Variants in REV3L observed in about 807,000 individuals in gnomAD.
REV3L encodes the protein REV3 like, DNA directed polymerase zeta catalytic subunit.
Under a neutral mutation model 299.4 loss-of-function variants are expected in REV3L, and 69 were observed. The observed-to-expected ratio is 0.23, with a 90% CI of 0.19 to 0.28. The LOEUF is 0.28. Ranked by LOEUF, REV3L falls within the 10% of genes least tolerant of loss-of-function variation. The probability of loss-of-function intolerance (pLI) is 1.00; values close to 1 mark genes in which losing one functional copy is unlikely to be tolerated. For missense variants in REV3L, 3,128 were observed against 3,693.8 expected, an observed-to-expected ratio of 0.85 and a Z score of 3.97; for synonymous variants, 1,238 against 1,271.4, an observed-to-expected ratio of 0.97 and a Z score of 0.56.
chr6:111,447,638 T>C (rs1342927328), intron 1 of REV3L, among the ~76,000 whole-genome samples: 2 of 152,162 alleles, frequency 1.3e-5, no homozygotes, highest in Non-Finnish European at 2.9e-5. Flanking sequence ...TTGGTGCAAC[T>C]ACCTCCTGCT....
intron 22 of REV3L, among the ~76,000 whole-genome samples, chr6:111,333,623 C>T (rs1018308606): frequency 5.3e-5 from 8 of 150,494 alleles, no homozygotes; most frequent in South Asian, 2.1e-4. Flanking sequence ...TACAGGCATG[C>T]GCCACCATGT....
intron 31 of REV3L, among the ~76,000 whole-genome samples, chr6:111,303,169 T>TTTTTTTC (rs1771792086): frequency 7.8e-5 from 1 of 12,834 alleles, no homozygotes; most frequent in Non-Finnish European, 2.2e-4. Flanking sequence ...TTCTTTCTTT[T>TTTTTTTC]TTTTTTTTTT....
intron 21 of REV3L, among the ~76,000 whole-genome samples, chr6:111,336,124 T>C (rs540246560): frequency 6.6e-6 from 1 of 151,930 alleles, no homozygotes; most frequent in African/African-American, 2.4e-5. Flanking sequence ...TTTAGTGAGA[T>C]AATACATGGG....
chr6:111,480,684 A>G (rs1425517564), intron 1 of REV3L, among the ~76,000 whole-genome samples: 1 of 152,010 alleles, frequency 6.6e-6, no homozygotes, highest in East Asian at 1.9e-4. Flanking sequence ...ATCCTTAACA[A>G]TTTAAAATTT....
intron 21 of REV3L, 85 bp from the exon 22 acceptor site, chr6:111,335,695 C>A: frequency 7.3e-7 from 1 of 1,376,376 alleles, no homozygotes. Flanking sequence ...CAAAAATCTA[C>A]ATGCTAAAAG....
intron 18 of REV3L, among the ~76,000 whole-genome samples, chr6:111,356,336 G>T (rs1161438714): frequency 2.0e-5 from 3 of 152,056 alleles, no homozygotes; most frequent in Non-Finnish European, 4.4e-5. Context: ...CTACACTGTT[G>T]AGAAAATGCA....
At chr6:111,423,501 GGA>G (rs1410391178) in intron 1 of REV3L, among the ~76,000 whole-genome samples, 1 of 151,920 alleles carries the variant, frequency 6.6e-6, no homozygotes, top group Non-Finnish European at 1.5e-5. Flanking sequence ...AGTATGAGAA[GGA>G]GAGAAAGAAA....
At chr6:111,303,024 TTTCA>T (rs1187507912) in intron 31 of REV3L, among the ~76,000 whole-genome samples, 14 of 152,344 alleles carry the variant, frequency 9.2e-5, no homozygotes, top group African/African-American at 3.4e-4. Flanking sequence ...TTTGCAGTGT[TTTCA>T]TTTTGTTTAA....
intron 11 of REV3L, 24 bp downstream of exon 11, chr6:111,379,957 AC>A (rs765443817): frequency 7.3e-7 from 1 of 1,368,000 alleles, no homozygotes; most frequent in Non-Finnish European, 1.0e-6. Context: ...AGTTAATAAA[AC>A]AACTGCAATA....
At chr6:111,349,398 G>T in intron 19 of REV3L, 62 bp from the exon 20 acceptor site, 1 of 752,396 alleles carries the variant, frequency 1.3e-6, no homozygotes, top group Non-Finnish European at 2.2e-6. Flanking sequence ...ATAAAATTAT[G>T]CCAGGGAAAA....
chr6:111,472,358 T>C (rs7772141), intron 1 of REV3L, among the ~76,000 whole-genome samples: 143,516 of 152,022 alleles, frequency 0.94, 67,779 homozygotes, highest in East Asian at 1. Context: ...GTTATACTTC[T>C]TTGTAATCGT....
chr6:111,381,561 T>C, intron 9 of REV3L, 117 bp from the exon 10 acceptor site: 1 of 760,538 alleles, frequency 1.3e-6, no homozygotes, highest in Non-Finnish European at 2.1e-6. Context: ...AATTTCAAAA[T>C]GTTAATGATG....
intron 26 of REV3L, 181 bp from the exon 27 acceptor site, chr6:111,315,562 A>T: frequency 1.7e-6 from 1 of 576,330 alleles, no homozygotes. Context: ...TTATGTACTT[A>T]TATCTTGTTA....
chr6:111,442,067 CTGGTGGTTTCCCT>C (rs1355408034), intron 1 of REV3L, among the ~76,000 whole-genome samples: 2 of 152,174 alleles, frequency 1.3e-5, no homozygotes, highest in Non-Finnish European at 1.5e-5. Context: ...GGTTACGGCG[CTGGTGGTTTCCCT>C]TGGCAAATGT....
intron 13 of REV3L, 71 bp from the exon 14 acceptor site, chr6:111,368,099 C>T (rs1239541822): frequency 1.5e-6 from 2 of 1,323,420 alleles, no homozygotes; most frequent in Non-Finnish European, 2.0e-6. Flanking sequence ...ACTCCATATC[C>T]TAGATAAAGT....
chr6:111,478,112 A>G (rs993009473), intron 1 of REV3L, among the ~76,000 whole-genome samples: 1 of 152,330 alleles, frequency 6.6e-6, no homozygotes, highest in African/African-American at 2.4e-5. Flanking sequence ...CTGTTCCTCT[A>G]TCTGAAATTT....
At chr6:111,394,666 A>T (rs1027489258) in intron 4 of REV3L, among the ~76,000 whole-genome samples, 2 of 147,730 alleles carry the variant, frequency 1.4e-5, no homozygotes, top group Admixed American at 6.8e-5. Flanking sequence ...TAGCCATAAA[A>T]TTTTTTCCCA....
rs148540039 is a variant in REV3L at position 111,435,274 on chromosome 6, G to T, written c.140-18802C>A. 7.2e-5 allele frequency among the ~76,000 whole-genome samples: 11 copies of T among 152,172 alleles called. No individual in the cohort carries two copies. In the East Asian group the frequency reaches 1.9e-3, roughly 27 times the overall value. ...CAAAGTCAATGGAATCCCTATCAAC[G>T]TATAAATGACGTTCTTCACAGAAAT... On this transcript the variant is annotated intron_variant, in intron 1 of 31. Coordinates refer to ENST00000368802, the MANE Select transcript of REV3L (RefSeq NM_001372078.1).
At chr6:111,446,024 C>T (rs1334251358) in intron 1 of REV3L, among the ~76,000 whole-genome samples, 1 of 152,136 alleles carries the variant, frequency 6.6e-6, no homozygotes, top group Non-Finnish European at 1.5e-5. Flanking sequence ...TCCCTTTACA[C>T]AACACAAAAA....
Sources: allele counts gnomAD v4.1 joint callset (sites outside exome capture counted in the v4.1 genomes callset), GRCh38; gene constraint gnomAD v4.1.1; transcripts MANE v1.5; gene names NCBI Gene and HGNC (gene_info 2026-07-23, HGNC 2026-07-21).